Variants in GPLD1 observed in about 807,000 individuals in gnomAD.
The protein encoded by GPLD1 is phosphatidylinositol-glycan-specific phospholipase D.
In GPLD1, 84 loss-of-function variants were observed where a neutral mutation model predicts 112.6. The ratio of observed to expected loss-of-function variants is 0.75; its 90% CI spans 0.63 to 0.89. GPLD1 has a LOEUF of 0.89. GPLD1 is among the 40% of genes least tolerant of loss of function. GPLD1 has a pLI of 0.00. For missense variants in GPLD1, 1,044 were observed against 1,051.5 expected, an observed-to-expected ratio of 0.99 and a Z score of 0.10; for synonymous variants, 386 against 403.8, an observed-to-expected ratio of 0.96 and a Z score of 0.53.
In GPLD1 at chr6:24,437,130, A is replaced by G; in HGVS notation, c.2180T>C (p.Leu727Pro). Residue 727 changes from leucine to proline, a missense_variant, in exon 21 of 25, where the codon CTG becomes CCG. By Grantham distance (98) the Leu-to-Pro change is moderately conservative. Transcript: ENST00000230036. ...TTTCTTACCTAAGCCATCATCATCC[A>G]GGTCACTCAAGTGCAGAACGCCACC... ...RFGGVLHLSD[L>P]DDDGLDEIIM... 1 of 1,614,156 alleles carries G rather than the reference A, an allele frequency of 6.2e-7. No individual in the cohort carries two copies. The highest frequency in any genetic ancestry group is 8.5e-7 in the Non-Finnish European group (1 of 1,179,952).
chr6:24,480,816 T>G (rs1764177305), intron 2 of GPLD1, among the ~76,000 whole-genome samples: 1 of 152,170 alleles, frequency 6.6e-6, no homozygotes, highest in Non-Finnish European at 1.5e-5. Context: ...AGACTACATT[T>G]CCCAGGCTGT....
chr6:24,426,705 G>GTC lies in GPLD1; in HGVS notation c.*2326_*2327insGA, dbSNP rs10635599. Among the ~76,000 whole-genome samples, 139,546 of 152,164 alleles carry GTC rather than the reference G, an allele frequency of 0.92. 64,476 individuals are homozygous for GTC. The highest frequency in any genetic ancestry group is 1 in the East Asian group (5,167 of 5,182). On this transcript the variant is annotated 3_prime_UTR_variant, in exon 25 of 25. Transcript: ENST00000230036. ...CTTTACTCAAGTGTCAGATGTCAGA[G>GTC]TGCTCTAACTGCTCAACTCATAAGT... is the stretch of plus-strand genomic sequence containing the variant.
chr6:24,441,808 C>G (rs898931354), intron 20 of GPLD1, among the ~76,000 whole-genome samples: 5 of 152,046 alleles, frequency 3.3e-5, no homozygotes, highest in African/African-American at 1.2e-4. Flanking sequence ...TAACAAGGGG[C>G]CCTGCATTTT....
Position 24,428,344 on chromosome 6 carries a change from C to T in GPLD1, c.*688G>A, listed in dbSNP as rs917497384. The T allele has an allele frequency of 3.3e-5, 5 of 151,988 alleles. No homozygotes were observed. Among genetic ancestry groups the T allele is most frequent in the African/African-American group, 9.7e-5 (4 of 41,378 alleles). The allele number at this position is 151,988 out of a possible 1,614,324, so 9.4% of individuals were successfully genotyped here. On this transcript the variant is annotated 3_prime_UTR_variant, in exon 25 of 25. Coordinates refer to ENST00000230036, the MANE Select transcript of GPLD1 (RefSeq NM_001503.4). ...TTTGTTACACAGATTATTTCATCACCCTAAGTATCCATTAGTTATTTTTCC... is the reference window on the plus strand; with the variant it reads ...TTTGTTACACAGATTATTTCATCACTCTAAGTATCCATTAGTTATTTTTCC...
rs1762262603 is a variant in GPLD1, at chr6:24,427,108, GAAGA to G, written c.*1920_*1923del. On this transcript the variant is annotated 3_prime_UTR_variant, in exon 25 of 25. Transcript: ENST00000230036. ...TTTTAGTATCATCTCACCCGTGGCA[GAAGA>G]AAGAGGTTCTTCCCAATTTAACACA... 1.3e-5 allele frequency among the ~76,000 whole-genome samples: 2 copies of G among 152,238 alleles called. No homozygotes were observed.
chr6:24,435,823 T>TAAAAAAAAAAAAAAAAAA (rs1762555951), intron 22 of GPLD1: 1 of 16,732 alleles, frequency 6.0e-5, no homozygotes, highest in East Asian at 1.4e-3. Flanking sequence ...AGACGCTGTC[T>TAAAAAAAAAAAAAAAAAA]CAAAAAAAAA....
At chr6:24,453,699 C>T (rs975046889) in intron 14 of GPLD1, among the ~76,000 whole-genome samples, 5 of 150,404 alleles carry the variant, frequency 3.3e-5, no homozygotes, top group Non-Finnish European at 5.9e-5. Context: ...ACATACATTT[C>T]GTGTGTGTGT....
chr6:24,436,634 G>T lies in GPLD1; in HGVS notation c.2300C>A (p.Thr767Asn), dbSNP rs1426437431. 1 of 1,613,842 alleles carries T rather than the reference G, an allele frequency of 6.2e-7. No homozygotes were observed. The highest frequency in any genetic ancestry group is 1.3e-5 in the African/African-American group (1 of 74,914). The change falls in exon 22 of 25, where the codon ACC (threonine) becomes AAC (asparagine). Residue 767 changes from threonine (T) to asparagine (N), a missense_variant. Coordinates refer to ENST00000230036, the MANE Select transcript of GPLD1 (RefSeq NM_001503.4). ...RVYVYNGKETTLGDMTGKCKS... is the reference protein window; with the variant it reads ...RVYVYNGKETNLGDMTGKCKS... ...GCATTTGCCAGTCATGTCACCAAGGGTGGTCTCTTTGCCATTATATACATA... is the reference window on the plus strand; with the variant it reads ...GCATTTGCCAGTCATGTCACCAAGGTTGGTCTCTTTGCCATTATATACATA...
intron 1 of GPLD1, among the ~76,000 whole-genome samples, chr6:24,488,521 C>T (rs1300689905): frequency 2.6e-5 from 4 of 152,140 alleles, no homozygotes; most frequent in African/African-American, 4.8e-5. Context: ...TCACGTTTTC[C>T]ATGCGTTAAA....
chr6:24,454,754 G>A (rs192667317), intron 13 of GPLD1, among the ~76,000 whole-genome samples: 49 of 152,330 alleles, frequency 3.2e-4, no homozygotes, highest in African/African-American at 7.5e-4. Flanking sequence ...TGGATAAACC[G>A]AGTCAAAGGT....
intron 20 of GPLD1, among the ~76,000 whole-genome samples, chr6:24,440,297 G>T (rs1581735341): frequency 6.6e-6 from 1 of 152,104 alleles, no homozygotes; most frequent in East Asian, 1.9e-4. Flanking sequence ...ACTACAAAAA[G>T]TAGGGTGTGG....
rs763574774 is a variant in GPLD1 at position 24,427,854 on chromosome 6, A to AAAG, written c.*1177_*1178insCTT. On this transcript the variant is annotated 3_prime_UTR_variant, in exon 25 of 25. Transcript: ENST00000230036. ...GAGCAAGACTCCGTCTCAAAAAAAAAAAAAAAAAAAAAGGACTATCATCCT... is the reference window on the plus strand; with the variant it reads ...GAGCAAGACTCCGTCTCAAAAAAAAAAAGAAAAAAAAAAAAGGACTATCATCCT... 0.032 allele frequency among the ~76,000 whole-genome samples: 3,757 copies of AAAG among 118,000 alleles called. 155 individuals carry two copies. The highest frequency in any genetic ancestry group is 0.17 in the East Asian group (640 of 3,740). The allele number at this position is 118,000 out of a possible 152,430, so 77.4% of individuals were successfully genotyped here. A position where few individuals can be genotyped will look rare whatever the true frequency, so the allele number is the denominator to read the frequency against.
intron 4 of GPLD1, among the ~76,000 whole-genome samples, chr6:24,475,688 C>CAAAAAA (rs35291266): frequency 8.8e-6 from 1 of 113,316 alleles, no homozygotes; most frequent in East Asian, 2.6e-4. Flanking sequence ...ACTAAAAATA[C>CAAAAAA]AAAAAAAAAA....
At chr6:24,441,955 TAATA>T (rs1200986138) in intron 20 of GPLD1, among the ~76,000 whole-genome samples, 2 of 148,850 alleles carry the variant, frequency 1.3e-5, no homozygotes, top group African/African-American at 2.4e-5. Context: ...TATTTATATA[TAATA>T]TATAGTTATA....
chr6:24,458,548 G>T (rs912540706), intron 12 of GPLD1, among the ~76,000 whole-genome samples: 1 of 152,100 alleles, frequency 6.6e-6, no homozygotes, highest in African/African-American at 2.4e-5. Flanking sequence ...AATTTAAGGA[G>T]GCCAGGGCAA....
In GPLD1 at chr6:24,454,066, A is replaced by T. The variant is rs2127342751; in HGVS notation, c.1284T>A (p.Pro428=). ...LIYGNDLGLP[P]VDLDLDKEAH... ...CCTCCTTGTCCAGGTCCAGGTCAACAGGTGGCAGGCCCAGGTCATTGCCGT... is the reference window on the plus strand; with the variant it reads ...CCTCCTTGTCCAGGTCCAGGTCAACTGGTGGCAGGCCCAGGTCATTGCCGT... The change falls in exon 14 of 25, where the codon CCT becomes CCA. Residue 428 remains proline, a synonymous_variant. Coordinates refer to ENST00000230036, the MANE Select transcript of GPLD1 (RefSeq NM_001503.4). The T allele has an allele frequency of 6.2e-7, 1 of 1,613,356 alleles. No homozygotes were observed. The highest frequency in any genetic ancestry group is 1.1e-5 in the South Asian group (1 of 91,056).
chr6:24,490,999 C>T (rs550915792), upstream of GPLD1, among the ~76,000 whole-genome samples: 149 of 152,292 alleles, frequency 9.8e-4, no homozygotes, highest in Non-Finnish European at 1.4e-3. Context: ...TGAACTTTTT[C>T]TAAATGAGAA....
At chr6:24,481,981 T>C (rs1764216923) in intron 2 of GPLD1, among the ~76,000 whole-genome samples, 1 of 152,056 alleles carries the variant, frequency 6.6e-6, no homozygotes, top group South Asian at 2.1e-4. Context: ...TGTTATTTAA[T>C]GTGATAAAAT....
chr6:24,462,818 TA>T, intron 10 of GPLD1, 23 bp from the exon 11 acceptor site: 1 of 1,541,832 alleles, frequency 6.5e-7, no homozygotes, highest in Non-Finnish European at 9.0e-7. Context: ...TCAAATGAGT[TA>T]GCCATTTATC....
Sources: allele counts gnomAD v4.1 joint callset (sites outside exome capture counted in the v4.1 genomes callset), GRCh38; gene constraint gnomAD v4.1.1; transcripts MANE v1.5; gene names NCBI Gene and HGNC (gene_info 2026-07-23, HGNC 2026-07-21).